Variants in MTUS2 observed in about 807,000 individuals in gnomAD.
MTUS2 encodes the protein microtubule associated scaffold protein 2.
A neutral mutation model predicts 114.1 loss-of-function variants in MTUS2; 40 were observed. The observed-to-expected ratio is 0.35, with a 90% CI of 0.27 to 0.46. MTUS2 has a LOEUF of 0.46. MTUS2 is among the 20% of genes least tolerant of loss of function. MTUS2 has a pLI of 1.00. For missense variants in MTUS2, 1,679 were observed against 1,705.4 expected (o/e 0.98, Z 0.27); for synonymous variants, 688 against 672.0 (o/e 1.02, Z -0.37).
At chr13:28,975,207 A>C (rs567434370) in intron 2 of MTUS2, among the ~76,000 whole-genome samples, 1 of 152,368 alleles carries the variant, frequency 6.6e-6, no homozygotes, top group South Asian at 2.1e-4. Flanking sequence ...GAATTTGATC[A>C]TGATCCTTTC....
intron 11 of MTUS2, chr13:29,490,122 G>T (rs888598652): frequency 6.6e-6 from 1 of 152,160 alleles, no homozygotes; most frequent in Non-Finnish European, 1.5e-5. Flanking sequence ...TGCTGCTCTC[G>T]ATGACTGTAA....
At chr13:29,193,843 A>C (rs1005876537) in intron 5 of MTUS2, among the ~76,000 whole-genome samples, 4 of 152,216 alleles carry the variant, frequency 2.6e-5, no homozygotes, top group Non-Finnish European at 5.9e-5. Context: ...ACTTCAAACT[A>C]TACTACAAGG....
chr13:29,027,818 C>T (rs1886630518), intron 3 of MTUS2, among the ~76,000 whole-genome samples: 2 of 152,016 alleles, frequency 1.3e-5, no homozygotes, highest in Non-Finnish European at 2.9e-5. Flanking sequence ...GGATTACAGG[C>T]GTGAGCCACC....
At chr13:28,836,509 C>G (rs910352046) in intron 1 of MTUS2, among the ~76,000 whole-genome samples, 1 of 152,188 alleles carries the variant, frequency 6.6e-6, no homozygotes, top group Non-Finnish European at 1.5e-5. Flanking sequence ...TAGGGTCAGT[C>G]GTATGAATAC....
intron 14 of MTUS2, among the ~76,000 whole-genome samples, chr13:29,500,198 A>G (rs539183175): frequency 6.6e-6 from 1 of 152,326 alleles, no homozygotes; most frequent in East Asian, 1.9e-4. Context: ...GCAAAAAAGA[A>G]TCTACTCGAT....
At chr13:29,371,227 C>A (rs983526108) in intron 8 of MTUS2, among the ~76,000 whole-genome samples, 2 of 149,304 alleles carry the variant, frequency 1.3e-5, no homozygotes, top group African/African-American at 2.5e-5. Context: ...CACCCCCCCC[C>A]CCTTTTTTGA....
chr13:29,353,954 G>C (rs76067805), intron 7 of MTUS2, among the ~76,000 whole-genome samples: 57 of 152,274 alleles, frequency 3.7e-4, no homozygotes, highest in African/African-American at 1.2e-3. Flanking sequence ...TCACTCTTCA[G>C]ATCTTCAGAA....
At chr13:28,970,531 A>G (rs1227745803) in intron 2 of MTUS2, among the ~76,000 whole-genome samples, 2 of 152,206 alleles carry the variant, frequency 1.3e-5, no homozygotes, top group Non-Finnish European at 2.9e-5. Context: ...AGCCTGAAGT[A>G]TTTGCTCTAT....
chr13:29,186,294 AAATT>A (rs527825508), intron 5 of MTUS2, among the ~76,000 whole-genome samples: 52 of 152,376 alleles, frequency 3.4e-4, no homozygotes, highest in Non-Finnish European at 5.7e-4. Context: ...CATTAAATGT[AAATT>A]AATTAAACAG....
intron 9 of MTUS2, among the ~76,000 whole-genome samples, chr13:29,478,573 T>G (rs375729933): frequency 1.8e-4 from 28 of 152,328 alleles, no homozygotes; most frequent in African/African-American, 6.7e-4. Context: ...GGAGTCTTTT[T>G]CCATCAATAT....
intron 5 of MTUS2, among the ~76,000 whole-genome samples, chr13:29,107,578 A>C (rs553683925): frequency 6.1e-4 from 93 of 152,234 alleles, no homozygotes; most frequent in Non-Finnish European, 1.1e-3. Context: ...GATAATTTAC[A>C]TAAGCCAAAG....
In MTUS2 at chr13:29,317,701, G is replaced by A. The variant is rs1292861998; in HGVS notation, c.2807-6912G>A. Among the ~76,000 whole-genome samples, 6 of 11,212 alleles carry A rather than the reference G, an allele frequency of 5.4e-4. 3 individuals carry two copies. The highest frequency in any genetic ancestry group is 1.6e-3 in the Non-Finnish European group (6 of 3,828). 7.4% of individuals were successfully genotyped at this position (11,212 alleles called of 152,430 possible). ...GATCCACCCGCCTCGGCCTCCCAAA[G>A]TGCTGGGATTACAGGCGTGAGCCAC... On this transcript the variant is annotated intron_variant, in intron 6 of 15. Coordinates refer to ENST00000612955, the MANE Select transcript of MTUS2 (RefSeq NM_001033602.4).
intron 5 of MTUS2, among the ~76,000 whole-genome samples, chr13:29,244,012 A>G (rs1441080395): frequency 1.3e-5 from 2 of 152,238 alleles, no homozygotes; most frequent in Non-Finnish European, 2.9e-5. Flanking sequence ...GAACATGAGT[A>G]TGTTTGTAGA....
At chr13:28,934,904 A>C (rs952974141) in intron 2 of MTUS2, among the ~76,000 whole-genome samples, 1 of 150,494 alleles carries the variant, frequency 6.6e-6, no homozygotes, top group Non-Finnish European at 1.5e-5. Context: ...TGTAACCACC[A>C]TCCCCATCAA....
intron 2 of MTUS2, among the ~76,000 whole-genome samples, chr13:28,868,722 A>G (rs1877445440): frequency 6.6e-6 from 1 of 152,232 alleles, no homozygotes; most frequent in Non-Finnish European, 1.5e-5. Flanking sequence ...CATAAAAGAA[A>G]AGACATTTTA....
intron 2 of MTUS2, among the ~76,000 whole-genome samples, chr13:28,957,929 A>G (rs1883148372): frequency 6.6e-6 from 1 of 152,216 alleles, no homozygotes; most frequent in Non-Finnish European, 1.5e-5. Flanking sequence ...TAGGCATGGG[A>G]TAGGAGACAT....
At chr13:29,129,825 A>G (rs1891681203) in intron 5 of MTUS2, among the ~76,000 whole-genome samples, 1 of 152,228 alleles carries the variant, frequency 6.6e-6, no homozygotes, top group Admixed American at 6.5e-5. Context: ...ATCATGAAGC[A>G]GAAAATAGTC....
intron 4 of MTUS2, among the ~76,000 whole-genome samples, chr13:29,043,095 C>T (rs138007594): frequency 7.0e-4 from 106 of 152,034 alleles, no homozygotes; most frequent in Non-Finnish European, 1.2e-3. Flanking sequence ...TTGATGCAGG[C>T]ACTGCTTTTG....
intron 2 of MTUS2, among the ~76,000 whole-genome samples, chr13:29,015,132 C>G (rs761243092): frequency 6.6e-6 from 1 of 152,134 alleles, no homozygotes; most frequent in Non-Finnish European, 1.5e-5. Context: ...GGTTGGAGGA[C>G]TGTTTGGAGA....
Sources: allele counts gnomAD v4.1 joint callset (sites outside exome capture counted in the v4.1 genomes callset), GRCh38; gene constraint gnomAD v4.1.1; transcripts MANE v1.5; gene names NCBI Gene and HGNC (gene_info 2026-07-23, HGNC 2026-07-21).